Variants in HABP4 observed in about 807,000 individuals in gnomAD.
HABP4 encodes hyaluronan binding protein 4, also known as intracellular hyaluronan-binding protein 4.
HABP4 carries 32 observed loss-of-function variants against 44.1 expected under a neutral mutation model. That is an observed-to-expected ratio of 0.73 (90% CI 0.55 to 0.97). The LOEUF (loss-of-function observed/expected upper bound fraction) is 0.97. HABP4 is among the 50% of genes least tolerant of loss of function. The pLI is 0.00. For missense variants in HABP4, 503 were observed against 561.9 expected, an observed-to-expected ratio of 0.90 and a Z score of 1.06; for synonymous variants, 216 against 218.0, an observed-to-expected ratio of 0.99 and a Z score of 0.08.
intron 1 of HABP4, among the ~76,000 whole-genome samples, chr9:96,457,146 G>A (rs1004138268): frequency 6.6e-6 from 1 of 151,660 alleles, no homozygotes; most frequent in East Asian, 2.0e-4. Context: ...CTGTAATCCT[G>A]GCACTTTGGG....
In HABP4 at chr9:96,450,276, C is replaced by G. The variant is rs778646427; in HGVS notation, c.-4C>G. 40 of 1,436,264 alleles carry G rather than the reference C, an allele frequency of 2.8e-5. 1 individual carries two copies. The South Asian group carries it at 4.9e-4, about 18-fold the overall frequency. 89.0% of individuals were successfully genotyped at this position (1,436,264 alleles called of 1,614,324 possible). ...CCTCCCGGGCCCGCAGTGGTCGCGG[C>G]GGCATGAAGGGCGCTCTGGGGAGTC... is the stretch of plus-strand genomic sequence containing the variant. On this transcript the variant is annotated 5_prime_UTR_variant, in exon 1 of 8. Transcript: ENST00000375249. This position sits in a 1 kb window ranked among gnomAD's most constrained non-coding sequence, Gnocchi z 4.8.
intron 2 of HABP4, among the ~76,000 whole-genome samples, chr9:96,464,011 G>A (rs1318262219): frequency 6.6e-6 from 1 of 152,240 alleles, no homozygotes; most frequent in Non-Finnish European, 1.5e-5. Flanking sequence ...GCTTAGTGAA[G>A]GAGAGACAAG....
intron 5 of HABP4, among the ~76,000 whole-genome samples, chr9:96,471,540 A>C (rs554211621): frequency 4.1e-4 from 63 of 152,290 alleles, no homozygotes; most frequent in Non-Finnish European, 8.2e-4. Context: ...TGGTGATCAA[A>C]CTAATTAATA....
At chr9:96,461,986 G>A (rs149621752) in intron 2 of HABP4, among the ~76,000 whole-genome samples, 4 of 150,298 alleles carry the variant, frequency 2.7e-5, no homozygotes, top group East Asian at 2.0e-4. Context: ...GTGAATCCCC[G>A]CCTTATTAAA....
rs922444571 is a variant in HABP4, at chr9:96,450,888, G to A, written c.349+260G>A. Among the ~76,000 whole-genome samples the A allele has an allele frequency of 6.6e-6, 1 of 152,190 alleles. No individual in the cohort carries two copies. The highest frequency in any genetic ancestry group is 2.4e-5 in the African/African-American group (1 of 41,452). ...GGCACTGAGGCTCTACGGCAAGTTG[G>A]ACGAAGTTGAGGGAGGTTGTCTGGG... is the stretch of plus-strand genomic sequence containing the variant. On this transcript the variant is annotated intron_variant, in intron 1 of 7. Coordinates refer to ENST00000375249, the MANE Select transcript of HABP4 (RefSeq NM_014282.4). The surrounding 1 kb of genome is among the most constrained non-coding windows in gnomAD (Gnocchi z 4.8).
At chr9:96,455,706 C>T (rs569615786) in intron 1 of HABP4, among the ~76,000 whole-genome samples, 18 of 151,934 alleles carry the variant, frequency 1.2e-4, no homozygotes, top group Admixed American at 1.2e-3. Flanking sequence ...TTGGAGGTAG[C>T]AGTGAGCCGA....
chr9:96,477,261 C>T (rs1320039346), intron 5 of HABP4, among the ~76,000 whole-genome samples: 2 of 152,158 alleles, frequency 1.3e-5, no homozygotes, highest in South Asian at 2.1e-4. Flanking sequence ...AATTCTGTCA[C>T]AAGTAGGCTA....
At chr9:96,464,163 C>T (rs1587676788) in intron 2 of HABP4, among the ~76,000 whole-genome samples, 1 of 152,178 alleles carries the variant, frequency 6.6e-6, no homozygotes, top group East Asian at 1.9e-4. Context: ...AGTTGGGAAT[C>T]ACAGGAGGAA....
At chr9:96,450,121 A>ACGG (rs1051068955), upstream of HABP4, 11 of 682,072 alleles carry the variant, frequency 1.6e-5, no homozygotes, top group Admixed American at 4.7e-4. The surrounding 1 kb of genome is among the most constrained non-coding windows in gnomAD (Gnocchi z 4.8). Context: ...AGCGGGGCGG[A>ACGG]CGGCGGCGGC....
Position 96,488,059 on chromosome 9 carries a change from T to C in HABP4, c.1000-30T>C, listed in dbSNP as rs779204478. On this transcript the variant is annotated intron_variant, in intron 6 of 7. Transcript: ENST00000375249. This position sits in a 1 kb window ranked among gnomAD's most constrained non-coding sequence, Gnocchi z 4.6. ...GAGTGTGGGGATGGCTGTGGACTTG[T>C]GCGTGTTTGATGCTGTAATTGTGTT... 3.5e-5 allele frequency: 54 copies of C among 1,525,654 alleles called. No individual in the cohort carries two copies. The highest frequency in any genetic ancestry group is 4.8e-5 in the Non-Finnish European group (53 of 1,102,128). The allele number at this position is 1,525,654 out of a possible 1,614,324, so 94.5% of individuals were successfully genotyped here. A position where few individuals can be genotyped will look rare whatever the true frequency, so the allele number is the denominator to read the frequency against.
At chr9:96,457,216 A>G (rs947038032) in intron 1 of HABP4, among the ~76,000 whole-genome samples, 2 of 152,020 alleles carry the variant, frequency 1.3e-5, no homozygotes, top group Non-Finnish European at 2.9e-5. Context: ...AAAATACAAC[A>G]TTAGCCAGGC....
In HABP4 at chr9:96,458,559, CA is replaced by C. The variant is rs751183498; in HGVS notation, c.512+19del. ...GATGAAAAGTATGTGCTGCAGTCCT[CA>C]GCAGGGCGGGTGGGGAACCAGAAAG... is the stretch of plus-strand genomic sequence containing the variant. On this transcript the variant is annotated intron_variant, in intron 2 of 7. Transcript: ENST00000375249. 38 of 1,577,808 alleles carry C rather than the reference CA, an allele frequency of 2.4e-5. No individual in the cohort carries two copies. The South Asian group carries it at 4.2e-4, about 18-fold the overall frequency.
chr9:96,474,306 TG>T (rs772847400), intron 5 of HABP4, among the ~76,000 whole-genome samples: 10 of 152,258 alleles, frequency 6.6e-5, no homozygotes, highest in Non-Finnish European at 1.2e-4. Flanking sequence ...GAAAGTTAAC[TG>T]GATACCTTCA....
chr9:96,485,495 G>T (rs1339862900), intron 6 of HABP4, among the ~76,000 whole-genome samples: 7 of 152,226 alleles, frequency 4.6e-5, no homozygotes, highest in African/African-American at 1.7e-4. Context: ...GCTCGGTCAG[G>T]CACTGCCACA....
In HABP4 at chr9:96,456,819, A is replaced by ATC. The variant is rs1564158957; in HGVS notation, c.350-1559_350-1558insCT. ...TATATATATATATATATATATATAT[A>ATC]TATCCATTAACTTGAATAAATGTCA... On this transcript the variant is annotated intron_variant, in intron 1 of 7. Coordinates refer to ENST00000375249, the MANE Select transcript of HABP4 (RefSeq NM_014282.4). Among the ~76,000 whole-genome samples, 9 of 123,578 alleles carry ATC rather than the reference A, an allele frequency of 7.3e-5. 1 individual carries two copies. The East Asian group carries it at 1.9e-3, about 27-fold the overall frequency. The allele number at this position is 123,578 out of a possible 152,430, so 81.1% of individuals were successfully genotyped here. A position where few individuals can be genotyped will look rare whatever the true frequency, so the allele number is the denominator to read the frequency against.
chr9:96,465,213 A>G, intron 2 of HABP4, 124 bp from the exon 3 acceptor site: 1 of 689,612 alleles, frequency 1.5e-6, no homozygotes, highest in East Asian at 2.5e-5. Context: ...GTTAACTATT[A>G]ATTTGTGATT....
intron 2 of HABP4, among the ~76,000 whole-genome samples, chr9:96,461,080 A>G (rs551513679): frequency 1.3e-5 from 2 of 152,326 alleles, no homozygotes; most frequent in Admixed American, 1.3e-4. Flanking sequence ...CTGTTTCACA[A>G]GTGGGAAGCC....
At chr9:96,486,784 C>T (rs772656680) in intron 6 of HABP4, among the ~76,000 whole-genome samples, 3 of 152,034 alleles carry the variant, frequency 2.0e-5, no homozygotes, top group Admixed American at 2.0e-4. Context: ...AACAACCTCG[C>T]GTAAGGCACT....
In HABP4 at chr9:96,471,153, T is replaced by C; in HGVS notation, c.827+59T>C. 3 of 949,170 alleles carry C rather than the reference T, an allele frequency of 3.2e-6. No homozygotes were observed. The East Asian group carries it at 7.2e-5, about 23-fold the overall frequency. The allele number at this position is 949,170 out of a possible 1,614,324, so 58.8% of individuals were successfully genotyped here. A position where few individuals can be genotyped will look rare whatever the true frequency, so the allele number is the denominator to read the frequency against. On this transcript the variant is annotated intron_variant, in intron 5 of 7. Transcript: ENST00000375249. Reference sequence around the variant, plus strand: ...TGGTTCTCTTCTTAATGATTTCTTTTTTTTTTTTGAGATGGAACTTGCTTT... The same window carrying C: ...TGGTTCTCTTCTTAATGATTTCTTTCTTTTTTTTGAGATGGAACTTGCTTT...
Sources: gnomAD v4.1 joint callset for allele counts (sites outside exome capture counted in the v4.1 genomes callset) on GRCh38, gnomAD v4.1.1 for gene constraint, Gnocchi (gnomAD v3.1) non-coding constraint, MANE v1.5 for transcripts, NCBI Gene and HGNC (gene_info 2026-07-23, HGNC 2026-07-21) for gene names.